Variants in RASSF3 observed in about 807,000 individuals in gnomAD.
RASSF3 encodes the protein Ras association domain family member 3.
In RASSF3, 19 loss-of-function variants were observed where a neutral mutation model predicts 19.9. That is an observed-to-expected ratio of 0.96 (90% confidence interval 0.67 to 1.40). The LOEUF (loss-of-function observed/expected upper bound fraction) is 1.40, where lower values mean the gene tolerates loss of function less well. RASSF3 is among the 40% of genes most tolerant of loss of function. The pLI is 0.00. For missense variants in RASSF3, 306 were observed against 289.8 expected (o/e 1.06, Z -0.41); for synonymous variants, 110 against 104.2 (o/e 1.06, Z -0.34).
At chr12:64,687,703 G>T (rs1004736569) in intron 2 of RASSF3, among the ~76,000 whole-genome samples, 5 of 152,132 alleles carry the variant, frequency 3.3e-5, no homozygotes, top group Non-Finnish European at 7.4e-5. Flanking sequence ...ATAGCCACTA[G>T]GAATGAAAAT....
At chr12:64,638,558 C>T (rs548739341) in intron 1 of RASSF3, among the ~76,000 whole-genome samples, 44 of 140,788 alleles carry the variant, frequency 3.1e-4, no homozygotes, top group African/African-American at 1.0e-3. Context: ...GCAGCCTGGG[C>T]GACAGAGTGA....
downstream of RASSF3, among the ~76,000 whole-genome samples, chr12:64,543,001 GGGCCCCGCACTTGGAGT>G (rs1565835955): frequency 9.3e-4 from 135 of 144,414 alleles, 3 homozygotes; most frequent in African/African-American, 3.5e-3. Flanking sequence ...GGGCTTGGCG[GGGCCCCGCACTTGGAGT>G]GGCGGGCCCC....
At chr12:64,596,121 A>C (rs1869996056) in intron 2 of RASSF3, among the ~76,000 whole-genome samples, 1 of 152,332 alleles carries the variant, frequency 6.6e-6, no homozygotes, top group East Asian at 1.9e-4. Flanking sequence ...TTCCCCACTC[A>C]GTCTACTAGC....
intron 1 of RASSF3, among the ~76,000 whole-genome samples, chr12:64,680,337 C>G (rs1480825046): frequency 1.3e-5 from 2 of 152,010 alleles, no homozygotes; most frequent in African/African-American, 4.8e-5. Context: ...AGAAACAGTG[C>G]TTGGGGGCCA....
At chr12:64,579,126 T>G (rs560873335) in intron 2 of RASSF3, among the ~76,000 whole-genome samples, 1 of 142,784 alleles carries the variant, frequency 7.0e-6, no homozygotes, top group Admixed American at 6.8e-5. Flanking sequence ...AAACTCTGTC[T>G]CAAAAAAAAA....
upstream of RASSF3, among the ~76,000 whole-genome samples, chr12:64,529,188 A>G (rs1868654034): frequency 6.6e-6 from 1 of 152,250 alleles, no homozygotes; most frequent in Admixed American, 6.5e-5. Context: ...TGTCTTTTCT[A>G]ATCATGTGAG....
rs576456333 is a variant in RASSF3 at position 64,561,204 on chromosome 12, G to A, written c.294+19499G>A. Among the ~76,000 whole-genome samples the A allele has an allele frequency of 2.0e-5, 3 of 152,252 alleles. No homozygotes were observed. In the South Asian group the frequency reaches 6.2e-4, roughly 32 times the overall value. ...TTTCATGGCCACAGCCTCCCACCAG[G>A]TCCCTTGAAGGCTACTTATATCACT... On this transcript the variant is annotated intron_variant, in intron 2 of 5. Transcript: ENST00000637125.
chr12:64,605,413 G>C (rs1870173075), intron 2 of RASSF3, among the ~76,000 whole-genome samples: 1 of 151,870 alleles, frequency 6.6e-6, no homozygotes, highest in Non-Finnish European at 1.5e-5. Flanking sequence ...TATCTTCAGG[G>C]GAACAACTTA....
intron 1 of RASSF3, among the ~76,000 whole-genome samples, chr12:64,512,280 A>C (rs1203405016): frequency 6.6e-6 from 1 of 152,204 alleles, no homozygotes; most frequent in Admixed American, 6.5e-5. Flanking sequence ...GATGGACAAG[A>C]TGACATCACA....
intron 2 of RASSF3, among the ~76,000 whole-genome samples, chr12:64,558,379 G>GGGA (rs1277914603): frequency 6.6e-6 from 1 of 152,132 alleles, no homozygotes; most frequent in African/African-American, 2.4e-5. Flanking sequence ...GATGCTTTCT[G>GGGA]GTGGTTGTTA....
At chr12:64,519,677 A>T (rs996101441) in intron 1 of RASSF3, among the ~76,000 whole-genome samples, 1 of 152,040 alleles carries the variant, frequency 6.6e-6, no homozygotes, top group Middle Eastern at 3.2e-3. Flanking sequence ...TGAAGTTGGG[A>T]CAGGGAAAAA....
intron 2 of RASSF3, among the ~76,000 whole-genome samples, chr12:64,557,085 C>T (rs574938632): frequency 6.6e-6 from 1 of 152,112 alleles, no homozygotes; most frequent in Non-Finnish European, 1.5e-5. Flanking sequence ...GATCCGCCCA[C>T]CTCGGCCTCC....
At chr12:64,574,440 C>T (rs188947035) in intron 2 of RASSF3, among the ~76,000 whole-genome samples, 1 of 152,162 alleles carries the variant, frequency 6.6e-6, no homozygotes, top group Non-Finnish European at 1.5e-5. Flanking sequence ...TAGTAGATTG[C>T]ACTTCTTTGC....
rs1244075834 is a variant in RASSF3 at position 64,639,544 on chromosome 12, G to A, written c.111+28801G>A. The stretch of plus-strand genomic sequence containing the variant: ...AAAGTGATCAAGTAGAAAGGATCAG[G>A]TGCCTTAATTACGAAGAATGGCATA... On this transcript the variant is annotated intron_variant, in intron 1 of 4. Transcript: ENST00000542104. Among the ~76,000 whole-genome samples, 6 of 152,228 alleles carry A rather than the reference G, an allele frequency of 3.9e-5. No homozygotes were observed. The South Asian group carries it at 1.0e-3, about 26-fold the overall frequency.
rs936511997 is a variant in RASSF3, at chr12:64,643,426, G to A, written c.111+32683G>A. ...GCAAGCACCTGTAGTCCAGCTGCAT[G>A]GGAGACTAAGGCAGAACGACCGCTT... On this transcript the variant is annotated intron_variant, in intron 1 of 4. Coordinates refer to ENST00000542104, the MANE Select transcript of RASSF3 (RefSeq NM_178169.4). Among the ~76,000 whole-genome samples, 4 of 152,210 alleles carry A rather than the reference G, an allele frequency of 2.6e-5. No individual in the cohort carries two copies. In the East Asian group the frequency reaches 5.8e-4, roughly 22 times the overall value.
At chr12:64,651,405 C>T (rs939186890) in intron 1 of RASSF3, among the ~76,000 whole-genome samples, 18 of 152,308 alleles carry the variant, frequency 1.2e-4, no homozygotes, top group Middle Eastern at 3.4e-3. Context: ...GTTGCCCAGA[C>T]TGGAGTGCAG....
At chr12:64,524,713 A>G (rs932447073) in intron 1 of RASSF3, among the ~76,000 whole-genome samples, 1 of 152,140 alleles carries the variant, frequency 6.6e-6, no homozygotes, top group African/African-American at 2.4e-5. Flanking sequence ...TCTGGCCCAC[A>G]TGGCCAGTCT....
chr12:64,612,756 G>A (rs558987307), intron 1 of RASSF3, among the ~76,000 whole-genome samples: 15 of 152,144 alleles, frequency 9.9e-5, no homozygotes, highest in Non-Finnish European at 1.8e-4. Flanking sequence ...GATTACAGAT[G>A]TGAGCCACCG....
At chr12:64,534,095 A>T (rs761033405) in intron 1 of RASSF3, among the ~76,000 whole-genome samples, 12 of 151,690 alleles carry the variant, frequency 7.9e-5, no homozygotes, top group Non-Finnish European at 1.2e-4. Context: ...CCCATCTCTA[A>T]AAAAATTTTG....
Sources: gnomAD v4.1 joint callset for allele counts (sites outside exome capture counted in the v4.1 genomes callset) on GRCh38, gnomAD v4.1.1 for gene constraint, MANE v1.5 for transcripts, NCBI Gene and HGNC (gene_info 2026-07-23, HGNC 2026-07-21) for gene names.